The following MAP3K4 variants were observed in gnomAD, a reference collection of about 807,000 sequenced individuals.
The protein encoded by MAP3K4 is MAP three kinase 1.
Under a neutral mutation model 185.6 loss-of-function variants are expected in MAP3K4, and 67 were observed. The ratio of observed to expected loss-of-function variants is 0.36; its 90% CI spans 0.30 to 0.44. The LOEUF (loss-of-function observed/expected upper bound fraction) is 0.44. Ranked by LOEUF, MAP3K4 falls within the 20% of genes least tolerant of loss-of-function variation. The pLI is 1.00. For missense variants in MAP3K4, 1,551 were observed against 1,995.1 expected (o/e 0.78, Z 4.24); for synonymous variants, 702 against 710.4 (o/e 0.99, Z 0.19).
intron 6 of MAP3K4, among the ~76,000 whole-genome samples, chr6:161,081,760 G>T (rs931806118): frequency 3.3e-5 from 5 of 152,158 alleles, no homozygotes; most frequent in Admixed American, 6.5e-5. Flanking sequence ...ACTTGCTTTG[G>T]CTCAGATGAG....
intron 11 of MAP3K4, among the ~76,000 whole-genome samples, chr6:161,090,480 G>C (rs1399672324): frequency 2.0e-5 from 3 of 149,470 alleles, no homozygotes; most frequent in Non-Finnish European, 4.4e-5. Context: ...CAGCCTCTTG[G>C]ATGTGGACGT....
Position 161,080,846 on chromosome 6 carries a change from T to G in MAP3K4, c.2098-35T>G, listed in dbSNP as rs199791970. 9.8e-5 allele frequency: 158 copies of G among 1,605,844 alleles called. No homozygotes were observed. Among genetic ancestry groups the G allele is most frequent in the Non-Finnish European group, 1.3e-4 (153 of 1,174,782 alleles). ...AGAGCGCTGAGTTGCCAAGTTCTAC[T>G]TTCAAATGTCTCCCTTTACTTTTTG... On this transcript the variant is annotated intron_variant, in intron 5 of 26. Coordinates refer to ENST00000392142, the MANE Select transcript of MAP3K4 (RefSeq NM_005922.4). The surrounding 1 kb of genome is among the most constrained non-coding windows in gnomAD (Gnocchi z 4.8).
At position 161,087,644 on chromosome 6, in the gene MAP3K4, T is replaced by C. The variant is rs1378025291; in HGVS notation, c.2557-44T>C. ...GTTTGTTTTAAATAACCTATTTCTCTAATGTACAGTGTTCCTTAAGATTTT... is the reference window on the plus strand; with the variant it reads ...GTTTGTTTTAAATAACCTATTTCTCCAATGTACAGTGTTCCTTAAGATTTT... On this transcript the variant is annotated intron_variant, in intron 9 of 26. Transcript: ENST00000392142. The surrounding 1 kb of genome is among the most constrained non-coding windows in gnomAD (Gnocchi z 4.9). 1 of 1,600,900 alleles carries C rather than the reference T, an allele frequency of 6.2e-7. No individual in the cohort carries two copies. Among genetic ancestry groups the C allele is most frequent in the Non-Finnish European group, 8.5e-7 (1 of 1,173,026 alleles).
Position 161,096,900 on chromosome 6 carries a change from TAA to T in MAP3K4, c.3428-176_3428-175del. On this transcript the variant is annotated intron_variant, in intron 15 of 26. Coordinates refer to ENST00000392142, the MANE Select transcript of MAP3K4 (RefSeq NM_005922.4). This position sits in a 1 kb window ranked among gnomAD's most constrained non-coding sequence, Gnocchi z 4.9. ...TATATAATAGGGCTTTACTGACTTT[TAA>T]AAAGTGACATTTTCCATAATATTTG... 1 of 521,696 alleles carries T rather than the reference TAA, an allele frequency of 1.9e-6. No individual in the cohort carries two copies. The highest frequency in any genetic ancestry group is 3.4e-6 in the Non-Finnish European group (1 of 291,926). The allele number at this position is 521,696 out of a possible 1,614,324, so 32.3% of individuals were successfully genotyped here.
In MAP3K4 at chr6:161,097,603, C is replaced by T. The variant is rs181338804; in HGVS notation, c.3524+427C>T. 6.6e-6 allele frequency among the ~76,000 whole-genome samples: 1 copy of T among 152,272 alleles called. No homozygotes were observed. The highest frequency in any genetic ancestry group is 6.5e-5 in the Admixed American group (1 of 15,298). ...CAATTTTTATCTGCATATGTAATTA[C>T]AAAGCAACTTAAACACTAAGTGAAT... On this transcript the variant is annotated intron_variant, in intron 16 of 26. Transcript: ENST00000392142. The surrounding 1 kb of genome is among the most constrained non-coding windows in gnomAD (Gnocchi z 4.9).
rs773998069 is a variant in MAP3K4 at position 161,089,452 on chromosome 6, A to G, written c.2954A>G (p.Lys985Arg). The change falls in exon 11 of 27, where the codon AAA becomes AGA. Residue 985 changes from lysine (K) to arginine (R), a missense_variant. Lys to Arg is a conservative substitution (Grantham distance 26, BLOSUM62 2). Around this residue, in one of 16 missense-constraint regions of MAP3K4, gnomAD observed 261 missense variants for 306.5 expected, o/e 0.85. Coordinates refer to ENST00000392142, the MANE Select transcript of MAP3K4 (RefSeq NM_005922.4). ...EQTSSQPVIA[K>R]ALQQLKNDAL... ...ACATCCAGTCAGCCGGTCATCGCCA[A>G]AGCTTTGCAGCAGCTGAAGGTATTA... 1.9e-6 allele frequency: 3 copies of G among 1,614,078 alleles called. No individual in the cohort carries two copies. The highest frequency in any genetic ancestry group is 2.5e-6 in the Non-Finnish European group (3 of 1,180,030).
intron 2 of MAP3K4, among the ~76,000 whole-genome samples, chr6:161,038,444 A>G (rs562579366): frequency 1.1e-4 from 17 of 152,350 alleles, no homozygotes; most frequent in African/African-American, 3.4e-4. Context: ...AGATTTATTT[A>G]AAAAGCTGTC....
chr6:161,109,663 TG>T lies in MAP3K4; in HGVS notation c.4237-88del. 1 of 1,249,870 alleles carries T rather than the reference TG, an allele frequency of 8.0e-7. No homozygotes were observed. The highest frequency in any genetic ancestry group is 1.2e-6 in the Non-Finnish European group (1 of 864,008). The allele number at this position is 1,249,870 out of a possible 1,614,324, so 77.4% of individuals were successfully genotyped here. ...TATACCGTTAGAAAGAACATTCCTT[TG>T]GGGTGTGGCCTAGGAAGTTTTCCAG... On this transcript the variant is annotated intron_variant, in intron 22 of 26. Coordinates refer to ENST00000392142, the MANE Select transcript of MAP3K4 (RefSeq NM_005922.4). This position sits in a 1 kb window ranked among gnomAD's most constrained non-coding sequence, Gnocchi z 5.7.
At chr6:161,050,384 C>G (rs577715646) in intron 3 of MAP3K4, among the ~76,000 whole-genome samples, 3 of 152,312 alleles carry the variant, frequency 2.0e-5, no homozygotes, top group Middle Eastern at 3.4e-3. Flanking sequence ...AGTTCTTTCT[C>G]TATCCTTTGA....
At chr6:161,058,858 C>T (rs1279135117) in intron 3 of MAP3K4, among the ~76,000 whole-genome samples, 3 of 152,030 alleles carry the variant, frequency 2.0e-5, no homozygotes, top group African/African-American at 4.8e-5. Flanking sequence ...TTATTTCACT[C>T]TTGATGGAAA....
At position 161,070,677 on chromosome 6, in the gene MAP3K4, G is replaced by A. The variant is rs773602488; in HGVS notation, c.1777G>A (p.Glu593Lys). 1.2e-5 allele frequency: 20 copies of A among 1,613,962 alleles called. No individual in the cohort carries two copies. Among genetic ancestry groups the A allele is most frequent in the South Asian group, 1.1e-5 (1 of 91,080 alleles). ...GTTGTCAAGGACACCACCTTCATCT[G>A]AGGAGAAATGCAGTGCTGTGTCGTG... ...VQLSRTPPSS[E>K]EKCSAVSWEE... Residue 593 changes from glutamate to lysine, a missense_variant, in exon 4 of 27, where the codon GAG (glutamate) becomes AAG (lysine). Glu to Lys is a moderately conservative substitution (Grantham distance 56). This residue lies in a region of MAP3K4 where 86 missense variants were observed against 81.6 expected (regional missense o/e 1.05). Transcript: ENST00000392142. This position sits in a 1 kb window ranked among gnomAD's most constrained non-coding sequence, Gnocchi z 4.5.
chr6:161,086,298 T>A lies in MAP3K4; in HGVS notation c.2373-81T>A. The A allele has an allele frequency of 1.3e-6, 1 of 757,866 alleles. No homozygotes were observed. The highest frequency in any genetic ancestry group is 2.0e-5 in the South Asian group (1 of 51,022). The allele number at this position is 757,866 out of a possible 1,614,324, so 46.9% of individuals were successfully genotyped here. On this transcript the variant is annotated intron_variant, in intron 7 of 26. Coordinates refer to ENST00000392142, the MANE Select transcript of MAP3K4 (RefSeq NM_005922.4). This position sits in a 1 kb window ranked among gnomAD's most constrained non-coding sequence, Gnocchi z 4.8. ...TTTATTACTGTGATTTGGAATTTGC[T>A]TCATCTTTATTGTTAAATCCCTCTT...
Position 161,082,351 on chromosome 6 carries a change from A to C in MAP3K4, c.2255+1313A>C, listed in dbSNP as rs1005812357. 2.6e-5 allele frequency among the ~76,000 whole-genome samples: 4 copies of C among 152,006 alleles called. No individual in the cohort carries two copies. The highest frequency in any genetic ancestry group is 4.8e-5 in the African/African-American group (2 of 41,358). The stretch of plus-strand genomic sequence containing the variant: ...CAAGCTTTGTTGAAGAAATGTTTTT[A>C]AAGGTTACTCTTTAGTTTCACTACA... On this transcript the variant is annotated intron_variant, in intron 6 of 26. Transcript: ENST00000392142. The surrounding 1 kb of genome is among the most constrained non-coding windows in gnomAD (Gnocchi z 4.2).
intron 1 of MAP3K4, among the ~76,000 whole-genome samples, chr6:161,028,808 G>A (rs917559861): frequency 1.3e-5 from 2 of 152,134 alleles, no homozygotes; most frequent in South Asian, 4.1e-4. Flanking sequence ...AGTACATGTT[G>A]GATAAGCTCG....
At position 161,067,346 on chromosome 6, in the gene MAP3K4, C is replaced by A; in HGVS notation, c.1708-3262C>A. ...TTTTTTTGAATTTCTGATTAGCTTCCTTATGCATCGATCTCAGTGAGCAGA... is the reference window on the plus strand; with the variant it reads ...TTTTTTTGAATTTCTGATTAGCTTCATTATGCATCGATCTCAGTGAGCAGA... On this transcript the variant is annotated intron_variant, in intron 3 of 26. Coordinates refer to ENST00000392142, the MANE Select transcript of MAP3K4 (RefSeq NM_005922.4). The surrounding 1 kb of genome is among the most constrained non-coding windows in gnomAD (Gnocchi z 6.3). The A allele has an allele frequency of 2.6e-6, 1 of 377,394 alleles. No individual in the cohort carries two copies. The highest frequency in any genetic ancestry group is 5.4e-6 in the Non-Finnish European group (1 of 186,614). 23.4% of individuals were successfully genotyped at this position (377,394 alleles called of 1,614,324 possible). A position where few individuals can be genotyped will look rare whatever the true frequency, so the allele number is the denominator to read the frequency against.
At chr6:161,062,400 T>G (rs1003405090) in intron 3 of MAP3K4, among the ~76,000 whole-genome samples, 44 of 152,182 alleles carry the variant, frequency 2.9e-4, no homozygotes, top group Non-Finnish European at 2.4e-4. Flanking sequence ...GTTGTGTGTG[T>G]GTAGATAGAT....
chr6:161,094,922 T>C (rs1383843447), intron 15 of MAP3K4, among the ~76,000 whole-genome samples: 1 of 152,242 alleles, frequency 6.6e-6, no homozygotes, highest in Non-Finnish European at 1.5e-5. Flanking sequence ...TAAAATATTT[T>C]ATTAGATAAG....
At chr6:161,047,358 C>G (rs963301396) in intron 2 of MAP3K4, among the ~76,000 whole-genome samples, 4 of 150,468 alleles carry the variant, frequency 2.7e-5, no homozygotes, top group African/African-American at 7.3e-5. Context: ...GAGGATCACT[C>G]GAGCCCAGGA....
chr6:161,065,594 C>T (rs535324514), intron 3 of MAP3K4, among the ~76,000 whole-genome samples: 6 of 152,238 alleles, frequency 3.9e-5, no homozygotes, highest in African/African-American at 1.2e-4. Context: ...ATCCCTTATC[C>T]GATATGCTTG....
Sources: allele counts gnomAD v4.1 joint callset (sites outside exome capture counted in the v4.1 genomes callset), GRCh38; gene constraint gnomAD v4.1.1; regional missense constraint gnomAD v4.1.1; non-coding constraint Gnocchi (gnomAD v3.1); transcripts MANE v1.5; gene names NCBI Gene and HGNC (gene_info 2026-07-23, HGNC 2026-07-21).